SERGEF: variants seen among roughly 807,000 people sequenced by gnomAD.
The protein encoded by SERGEF is secretion regulating guanine nucleotide exchange factor.
A neutral mutation model predicts 50.0 loss-of-function variants in SERGEF; 51 were observed. That is an observed-to-expected ratio of 1.02 (90% CI 0.81 to 1.29). The LOEUF is 1.29. SERGEF is among the 50% of genes most tolerant of loss of function. The probability of loss-of-function intolerance (pLI) is 0.00; values close to 1 mark genes in which losing one functional copy is unlikely to be tolerated. For synonymous variants in SERGEF, 205 were observed against 212.4 expected (o/e 0.97, Z 0.30); for missense variants, 521 against 557.0 (o/e 0.94, Z 0.65).
intron 9 of SERGEF, among the ~76,000 whole-genome samples, chr11:17,937,029 C>A (rs185966991): frequency 6.6e-6 from 1 of 151,828 alleles, no homozygotes; most frequent in African/African-American, 2.4e-5. Context: ...CTGGGAACAA[C>A]CTAAATTTCC....
At chr11:17,911,329 A>ATATATATATTATATATAATATATATATTT (rs1473236519) in intron 9 of SERGEF, among the ~76,000 whole-genome samples, 8 of 146,078 alleles carry the variant, frequency 5.5e-5, no homozygotes, top group African/African-American at 1.5e-4. Context: ...TATATATATT[A>ATATATATATTATATATAATATATATATTT]TATATATATT....
intron 10 of SERGEF, among the ~76,000 whole-genome samples, chr11:17,822,784 T>C (rs778251166): frequency 5.9e-5 from 9 of 152,210 alleles, no homozygotes; most frequent in Admixed American, 2.0e-4. Context: ...GTCAAGTGAC[T>C]TGCCCAAGTC....
chr11:17,812,753 A>C lies in SERGEF; in HGVS notation c.1049-24340T>G, dbSNP rs527849327. On this transcript the variant is annotated intron_variant, in intron 10 of 10. Coordinates refer to ENST00000265965, the MANE Select transcript of SERGEF (RefSeq NM_012139.4). The stretch of plus-strand genomic sequence containing the variant: ...CAGTCTACTTTTCATTATACTGCTT[A>C]CTTACTCTGCCCCCAGTAGAGAGCC... Among the ~76,000 whole-genome samples the C allele has an allele frequency of 3.3e-5, 5 of 152,354 alleles. No homozygotes were observed. The East Asian group carries it at 9.6e-4, about 29-fold the overall frequency.
chr11:17,928,080 A>C (rs1179027492), intron 9 of SERGEF, among the ~76,000 whole-genome samples: 2 of 152,202 alleles, frequency 1.3e-5, no homozygotes, highest in East Asian at 1.9e-4. Flanking sequence ...TAAAAATACT[A>C]ATTATGCACG....
intron 1 of SERGEF, chr11:18,012,507 A>T: frequency 9.0e-7 from 1 of 1,114,066 alleles, no homozygotes; most frequent in Non-Finnish European, 1.1e-6. Flanking sequence ...CTCACATCTA[A>T]AGGATGCTTT....
chr11:17,964,441 C>T (rs762856919), intron 8 of SERGEF, among the ~76,000 whole-genome samples: 1 of 152,108 alleles, frequency 6.6e-6, no homozygotes, highest in Non-Finnish European at 1.5e-5. Flanking sequence ...AAATTTCTAC[C>T]CTGTTCTAGG....
chr11:17,999,189 G>A (rs1853907662), intron 5 of SERGEF, among the ~76,000 whole-genome samples: 1 of 152,228 alleles, frequency 6.6e-6, no homozygotes, highest in African/African-American at 2.4e-5. Context: ...CTAGGGCTAA[G>A]AAGTGGTTAT....
chr11:17,899,548 G>C (rs755215650), intron 9 of SERGEF, among the ~76,000 whole-genome samples: 1 of 152,144 alleles, frequency 6.6e-6, no homozygotes, highest in Non-Finnish European at 1.5e-5. Flanking sequence ...TACCTCTTCT[G>C]TGAAATACAG....
intron 9 of SERGEF, among the ~76,000 whole-genome samples, chr11:17,931,390 C>G (rs572205046): frequency 3.9e-5 from 6 of 152,270 alleles, no homozygotes; most frequent in Admixed American, 2.6e-4. Context: ...AACCCAGAAC[C>G]TTTTTCTTAC....
rs138732281 is a variant in SERGEF at position 17,937,887 on chromosome 11, A to G, written c.1011+21583T>C. Reference sequence around the variant, plus strand: ...CCCCCTGTGAAATATCTCTACCCACAGGATATGTTACCCCATCCTTCCTGC... The same window carrying G: ...CCCCCTGTGAAATATCTCTACCCACGGGATATGTTACCCCATCCTTCCTGC... On this transcript the variant is annotated intron_variant, in intron 9 of 10. Coordinates refer to ENST00000265965, the MANE Select transcript of SERGEF (RefSeq NM_012139.4). 2.0e-5 allele frequency among the ~76,000 whole-genome samples: 3 copies of G among 152,292 alleles called. No homozygotes were observed. The East Asian group carries it at 5.8e-4, about 30-fold the overall frequency.
chr11:17,944,079 C>T (rs1852609334), intron 9 of SERGEF, among the ~76,000 whole-genome samples: 1 of 152,166 alleles, frequency 6.6e-6, no homozygotes, highest in Non-Finnish European at 1.5e-5. Flanking sequence ...AGGCACGTGC[C>T]ACCATGCCCA....
intron 9 of SERGEF, among the ~76,000 whole-genome samples, chr11:17,957,461 C>A (rs767044242): frequency 2.6e-5 from 4 of 152,124 alleles, no homozygotes; most frequent in Non-Finnish European, 5.9e-5. Flanking sequence ...TACTATACTA[C>A]CTGACCACAA....
chr11:18,001,616 G>C (rs1853963555), intron 4 of SERGEF, among the ~76,000 whole-genome samples: 1 of 152,138 alleles, frequency 6.6e-6, no homozygotes, highest in Non-Finnish European at 1.5e-5. Context: ...CTAAATTCCT[G>C]ACTCTCCGAA....
chr11:17,956,253 G>C (rs1852868177), intron 9 of SERGEF, among the ~76,000 whole-genome samples: 1 of 152,182 alleles, frequency 6.6e-6, no homozygotes, highest in South Asian at 2.1e-4. Context: ...CTTATTCCCA[G>C]ATTTCAAGAA....
At chr11:17,816,603 G>A (rs1416344855) in intron 10 of SERGEF, among the ~76,000 whole-genome samples, 1 of 152,186 alleles carries the variant, frequency 6.6e-6, no homozygotes, top group Non-Finnish European at 1.5e-5. Flanking sequence ...ACTGAAGTTT[G>A]GCACATAGGT....
At chr11:17,904,489 G>A (rs1851803504) in intron 9 of SERGEF, among the ~76,000 whole-genome samples, 1 of 152,208 alleles carries the variant, frequency 6.6e-6, no homozygotes, top group South Asian at 2.1e-4. Flanking sequence ...AGGAAGAGAG[G>A]TGACTCTTGA....
chr11:17,907,163 C>CA (rs200442630), intron 9 of SERGEF, among the ~76,000 whole-genome samples: 82,944 of 116,670 alleles, frequency 0.71, 28,541 homozygotes, highest in African/African-American at 0.81. Flanking sequence ...AACTTATGAC[C>CA]AAAAAAAAAA....
intron 9 of SERGEF, among the ~76,000 whole-genome samples, chr11:17,941,942 T>C (rs2133956622): frequency 6.6e-6 from 1 of 152,340 alleles, no homozygotes; most frequent in South Asian, 2.1e-4. Flanking sequence ...TAGAGAAATG[T>C]CCATTCAAGT....
At position 17,978,505 on chromosome 11, in the gene SERGEF, A is replaced by G. The variant is rs543262542; in HGVS notation, c.844+10092T>C. 3.3e-5 allele frequency among the ~76,000 whole-genome samples: 5 copies of G among 152,254 alleles called. No individual in the cohort carries two copies. The East Asian group carries it at 9.7e-4, about 29-fold the overall frequency. ...AGATGTGCACATTGCTTTTGCTGTG[A>G]GTGAGAAGGTGAAAAATCATTAAGA... On this transcript the variant is annotated intron_variant, in intron 8 of 10. Transcript: ENST00000265965.
Sources: gnomAD v4.1 joint callset for allele counts (sites outside exome capture counted in the v4.1 genomes callset) on GRCh38, gnomAD v4.1.1 for gene constraint, MANE v1.5 for transcripts, NCBI Gene and HGNC (gene_info 2026-07-23, HGNC 2026-07-21) for gene names.